Variants in ADK observed in about 807,000 individuals in gnomAD.
ADK encodes N6,N6-dimethyladenosine kinase.
ADK carries 24 observed loss-of-function variants against 44.7 expected under a neutral mutation model. That is an observed-to-expected ratio of 0.54 (90% confidence interval 0.39 to 0.76). The LOEUF is 0.76. Among genes scored for constraint, ADK ranks in the 30% least tolerant of loss-of-function variants. The probability of loss-of-function intolerance (pLI) is 0.00; values close to 1 mark genes in which losing one functional copy is unlikely to be tolerated. For missense variants in ADK, 321 were observed against 425.1 expected, an observed-to-expected ratio of 0.76 and a Z score of 2.15; for synonymous variants, 128 against 142.6, an observed-to-expected ratio of 0.90 and a Z score of 0.73.
intron 1 of ADK, among the ~76,000 whole-genome samples, chr10:74,184,284 C>T (rs1030369510): frequency 2.0e-5 from 3 of 152,062 alleles, no homozygotes; most frequent in African/African-American, 7.2e-5. Flanking sequence ...CCAGTTTGCC[C>T]AGGACAATTC....
intron 9 of ADK, among the ~76,000 whole-genome samples, chr10:74,618,197 A>G (rs773423753): frequency 6.6e-6 from 1 of 152,048 alleles, no homozygotes; most frequent in East Asian, 1.9e-4. Context: ...ATTTGTGTTC[A>G]TATCTTACAT....
intron 3 of ADK, among the ~76,000 whole-genome samples, chr10:74,300,665 C>T (rs1175547593): frequency 6.6e-6 from 1 of 152,152 alleles, no homozygotes; most frequent in Non-Finnish European, 1.5e-5. Context: ...AGGTGTGAGC[C>T]ACTGTGGCAG....
At chr10:74,623,441 G>T (rs1165270064) in intron 9 of ADK, among the ~76,000 whole-genome samples, 1 of 151,710 alleles carries the variant, frequency 6.6e-6, no homozygotes, top group Non-Finnish European at 1.5e-5. Flanking sequence ...ACATCCAGAG[G>T]CCCTTTGACC....
intron 6 of ADK, among the ~76,000 whole-genome samples, chr10:74,481,320 A>C (rs559824999): frequency 6.6e-6 from 1 of 152,252 alleles, no homozygotes; most frequent in East Asian, 1.9e-4. Flanking sequence ...AATGCCATTT[A>C]TATTATCTTA....
At chr10:74,519,642 C>A (rs1316335730) in intron 6 of ADK, among the ~76,000 whole-genome samples, 1 of 151,678 alleles carries the variant, frequency 6.6e-6, no homozygotes, top group African/African-American at 2.4e-5. Flanking sequence ...TATAATCAAC[C>A]CTTCTTCATC....
chr10:74,456,418 T>C (rs1845946226), intron 6 of ADK, among the ~76,000 whole-genome samples: 1 of 152,044 alleles, frequency 6.6e-6, no homozygotes, highest in African/African-American at 2.4e-5. Flanking sequence ...TTCACGCCTG[T>C]AATCCCAGCA....
intron 10 of ADK, among the ~76,000 whole-genome samples, chr10:74,675,782 G>A (rs1249089030): frequency 1.3e-5 from 2 of 152,114 alleles, no homozygotes; most frequent in African/African-American, 4.8e-5. Flanking sequence ...CCCAGTAAAT[G>A]AAACTGAGAA....
intron 4 of ADK, among the ~76,000 whole-genome samples, chr10:74,383,130 G>T (rs998577434): frequency 2.0e-5 from 3 of 151,556 alleles, no homozygotes; most frequent in Non-Finnish European, 4.4e-5. Context: ...AATTACAACA[G>T]TAATAATAAT....
In ADK at chr10:74,261,841, C is replaced by CT. The variant is rs548023325; in HGVS notation, c.194+37260dup. On this transcript the variant is annotated intron_variant, in intron 3 of 10. Coordinates refer to ENST00000539909, the MANE Select transcript of ADK (RefSeq NM_006721.4). The stretch of plus-strand genomic sequence containing the variant: ...CTCAATGTGATTTTTCTTATTATGG[C>CT]TTTTTTTTTTCATTGTTCTGAGCAT... Among the ~76,000 whole-genome samples the CT allele has an allele frequency of 4.6e-3, 683 of 147,694 alleles. 4 individuals are homozygous for CT. Among genetic ancestry groups the CT allele is most frequent in the African/African-American group, 0.012 (486 of 40,212 alleles).
intron 4 of ADK, among the ~76,000 whole-genome samples, chr10:74,333,500 G>A (rs201724931): frequency 1.3e-5 from 2 of 152,070 alleles, no homozygotes; most frequent in East Asian, 3.8e-4. Flanking sequence ...TAGATCATTG[G>A]TCAATAGGAG....
intron 6 of ADK, among the ~76,000 whole-genome samples, chr10:74,486,458 G>A (rs1847270534): frequency 6.6e-6 from 1 of 152,150 alleles, no homozygotes; most frequent in Non-Finnish European, 1.5e-5. Flanking sequence ...CATTGGTGCA[G>A]TGATAAATAA....
chr10:74,183,886 T>G (rs906417786), intron 1 of ADK, among the ~76,000 whole-genome samples: 2 of 152,184 alleles, frequency 1.3e-5, no homozygotes, highest in African/African-American at 4.8e-5. Flanking sequence ...TTTACTTTTT[T>G]AGCTGGCATT....
Position 74,638,272 on chromosome 10 carries a change from A to G in ADK, c.878-31911A>G, listed in dbSNP as rs193132858. Among the ~76,000 whole-genome samples, 578 of 152,282 alleles carry G rather than the reference A, an allele frequency of 3.8e-3. 3 individuals are homozygous for G. Among genetic ancestry groups the G allele is most frequent in the Non-Finnish European group, 6.5e-3 (440 of 68,014 alleles). On this transcript the variant is annotated intron_variant, in intron 9 of 10. Coordinates refer to ENST00000539909, the MANE Select transcript of ADK (RefSeq NM_006721.4). ...AGTGGGTTTTAAGCAGGTTTTATAT[A>G]ATATATCAATACCACATTAGCTTGA...
intron 8 of ADK, among the ~76,000 whole-genome samples, chr10:74,591,827 G>C (rs1464840854): frequency 6.6e-6 from 1 of 152,052 alleles, no homozygotes; most frequent in Non-Finnish European, 1.5e-5. Context: ...CCTTCCATCA[G>C]TGCCGCTGTC....
chr10:74,383,022 T>G (rs1843024191), intron 4 of ADK, among the ~76,000 whole-genome samples: 1 of 151,930 alleles, frequency 6.6e-6, no homozygotes, highest in Non-Finnish European at 1.5e-5. Flanking sequence ...CTAACAAAGC[T>G]TAGAAAATAA....
intron 3 of ADK, among the ~76,000 whole-genome samples, chr10:74,252,931 T>A (rs879290466): frequency 6.6e-6 from 1 of 152,172 alleles, no homozygotes; most frequent in East Asian, 1.9e-4. Flanking sequence ...GAAAATTGAG[T>A]AGAGGATACA....
At chr10:74,378,087 G>A (rs1444041356) in intron 4 of ADK, among the ~76,000 whole-genome samples, 1 of 150,860 alleles carries the variant, frequency 6.6e-6, no homozygotes, top group African/African-American at 2.4e-5. Context: ...TGGAGATCAT[G>A]TGTCTACCTC....
intron 1 of ADK, among the ~76,000 whole-genome samples, chr10:74,173,585 C>T (rs536587828): frequency 8.5e-4 from 129 of 151,646 alleles, no homozygotes; most frequent in African/African-American, 2.8e-3. Flanking sequence ...TGTGTGCCAC[C>T]GCGCCCAACT....
At chr10:74,687,344 G>A (rs943739163) in intron 10 of ADK, among the ~76,000 whole-genome samples, 1 of 152,148 alleles carries the variant, frequency 6.6e-6, no homozygotes, top group African/African-American at 2.4e-5. Flanking sequence ...GCCTGTCTTT[G>A]TTTTCCATTC....
Sources: gnomAD v4.1 joint callset for allele counts (sites outside exome capture counted in the v4.1 genomes callset) on GRCh38, gnomAD v4.1.1 for gene constraint, MANE v1.5 for transcripts, NCBI Gene and HGNC (gene_info 2026-07-23, HGNC 2026-07-21) for gene names.